Variants in ASMTL observed in about 807,000 individuals in gnomAD.
The protein encoded by ASMTL is acetylserotonin O-methyltransferase like.
In ASMTL, 57 loss-of-function variants were observed where a neutral mutation model predicts 60.3. That is an observed-to-expected ratio of 0.95 (90% CI 0.76 to 1.18). ASMTL has a LOEUF of 1.18. ASMTL is among the 50% of genes most tolerant of loss of function. The pLI, the probability that ASMTL is intolerant of heterozygous loss-of-function variation, is 0.00. For synonymous variants in ASMTL, 419 were observed against 373.0 expected (o/e 1.12, Z -1.42); for missense variants, 981 against 852.6 (o/e 1.15, Z -1.88).
intron 3 of ASMTL, among the ~76,000 whole-genome samples, chrX:1,436,669 T>C (rs1339730403): frequency 6.6e-6 from 1 of 151,956 alleles, no homozygotes; most frequent in Non-Finnish European, 1.5e-5. Flanking sequence ...TTCCTGTTCA[T>C]GGCTGCATAA....
At chrX:1,432,021 C>A (rs2090804211) in intron 6 of ASMTL, 1 of 573,772 alleles carries the variant, frequency 1.7e-6, no homozygotes, top group East Asian at 2.9e-5. Flanking sequence ...CCTCCCCAGT[C>A]CCCACCGCAG....
intron 11 of ASMTL, among the ~76,000 whole-genome samples, chrX:1,417,034 GAC>G (rs370554447): frequency 1.3e-5 from 2 of 151,416 alleles, no homozygotes; most frequent in Admixed American, 1.3e-4. Flanking sequence ...CAGAGACACA[GAC>G]ACAAGCACAG....
intron 12 of ASMTL, among the ~76,000 whole-genome samples, chrX:1,406,548 AGGTG>A (rs2089852265): frequency 6.8e-6 from 1 of 146,272 alleles, no homozygotes; most frequent in South Asian, 2.2e-4. Context: ...ATGGGTAGGT[AGGTG>A]GATGGATGGA....
chrX:1,414,120 G>C (rs2090147105), intron 11 of ASMTL: 1 of 150,848 alleles, frequency 6.6e-6, no homozygotes, highest in Non-Finnish European at 1.5e-5. Flanking sequence ...ACACACAGAG[G>C]AGAAGGCCAC....
chrX:1,404,276 AT>A (rs2089712112), intron 12 of ASMTL, among the ~76,000 whole-genome samples: 1 of 139,660 alleles, frequency 7.2e-6, no homozygotes, highest in Non-Finnish European at 1.5e-5. Context: ...CATGGATGAG[AT>A]GGATGGATGG....
intron 12 of ASMTL, among the ~76,000 whole-genome samples, chrX:1,410,710 T>C (rs1260921394): frequency 9.3e-5 from 14 of 150,420 alleles, no homozygotes; most frequent in Non-Finnish European, 1.3e-4. Flanking sequence ...CCGTGCCCGG[T>C]CTCAGAAAAA....
intron 6 of ASMTL, 178 bp downstream of exon 6, chrX:1,432,091 C>A (rs1378372930): frequency 3.2e-6 from 2 of 616,180 alleles, no homozygotes; most frequent in Non-Finnish European, 5.8e-6. Flanking sequence ...TTTGAGCCTC[C>A]ATGGGTCAGT....
At chrX:1,434,184 C>T (rs2090895195) in intron 5 of ASMTL, among the ~76,000 whole-genome samples, 1 of 152,134 alleles carries the variant, frequency 6.6e-6, no homozygotes, top group Admixed American at 6.6e-5. Context: ...CTGCCTGGGC[C>T]GGGCACCGTG....
chrX:1,444,357 C>T (rs745552370), intron 1 of ASMTL, among the ~76,000 whole-genome samples: 16 of 151,926 alleles, frequency 1.1e-4, no homozygotes, highest in East Asian at 3.9e-4. Context: ...TGCAGGTGGG[C>T]GCCACCACAC....
chrX:1,416,071 A>G (rs2090239145), intron 11 of ASMTL, among the ~76,000 whole-genome samples: 1 of 151,882 alleles, frequency 6.6e-6, no homozygotes, highest in Non-Finnish European at 1.5e-5. Flanking sequence ...ACAGACATGC[A>G]CAGATGGGCA....
At chrX:1,430,937 T>C (rs1341082374) in intron 6 of ASMTL, among the ~76,000 whole-genome samples, 4 of 142,774 alleles carry the variant, frequency 2.8e-5, no homozygotes, top group South Asian at 2.1e-4. Context: ...ATATTATATA[T>C]AACTAATATG....
rs747369959 is a variant in ASMTL at position 1,432,346 on chromosome X, G to C, written c.432C>G (p.Phe144Leu). 5.6e-6 allele frequency: 9 copies of C among 1,613,256 alleles called. No homozygotes were observed. The South Asian group carries it at 9.9e-5, about 18-fold the overall frequency. ...DHQLDTRVSE[F>L]YEETKVKFSE... ...AGAACTTCACCTTCGTTTCCTCGTAGAATTCCGAGACCCTGGTGTCCAGCT... is the reference window on the plus strand; with the variant it reads ...AGAACTTCACCTTCGTTTCCTCGTACAATTCCGAGACCCTGGTGTCCAGCT... Residue 144 changes from phenylalanine to leucine, a missense_variant, in exon 6 of 13, where the codon TTC (phenylalanine) becomes TTG (leucine). Transcript: ENST00000381317.
intron 6 of ASMTL, among the ~76,000 whole-genome samples, chrX:1,431,136 TTA>T (rs780006460): frequency 1.5e-3 from 186 of 125,434 alleles, no homozygotes; most frequent in African/African-American, 5.7e-3. Flanking sequence ...CATTTTATAA[TTA>T]TATATATAAT....
At chrX:1,453,373 C>A (rs1187268450), upstream of ASMTL, among the ~76,000 whole-genome samples, 3 of 151,536 alleles carry the variant, frequency 2.0e-5, no homozygotes, top group Non-Finnish European at 3.0e-5. Context: ...CCGCCCCGGC[C>A]GCTTGGTGAA....
chrX:1,422,465 G>A (rs1160337153), intron 8 of ASMTL, among the ~76,000 whole-genome samples: 6 of 152,112 alleles, frequency 3.9e-5, no homozygotes, highest in African/African-American at 1.4e-4. Context: ...TTATATCCTA[G>A]GGGTTCTGTT....
intron 7 of ASMTL, 84 bp from the exon 8 acceptor site, chrX:1,425,771 C>T (rs1415034034): frequency 3.9e-5 from 56 of 1,428,862 alleles, no homozygotes; most frequent in Middle Eastern, 2.3e-4. Flanking sequence ...TGGAGGCCAA[C>T]GCTGTCGGAA....
chrX:1,408,145 GA>G (rs1485906303), intron 12 of ASMTL, among the ~76,000 whole-genome samples: 2 of 113,812 alleles, frequency 1.8e-5, no homozygotes, highest in Non-Finnish European at 4.0e-5. Flanking sequence ...AGGCTGCAGT[GA>G]ACTATGATGG....
At chrX:1,448,716 C>G (rs763385944) in intron 1 of ASMTL, among the ~76,000 whole-genome samples, 1 of 152,044 alleles carries the variant, frequency 6.6e-6, no homozygotes, top group Admixed American at 6.5e-5. Flanking sequence ...GCACCACCAT[C>G]TTGGACACAC....
At chrX:1,413,019 G>A (rs1259114444) in intron 11 of ASMTL, 165 bp from the exon 12 acceptor site, 2 of 728,432 alleles carry the variant, frequency 2.7e-6, no homozygotes, top group Non-Finnish European at 4.7e-6. Flanking sequence ...GACTTGAACA[G>A]AGCTCCATGA....
Sources: allele counts gnomAD v4.1 joint callset (sites outside exome capture counted in the v4.1 genomes callset), GRCh38; gene constraint gnomAD v4.1.1; transcripts MANE v1.5; gene names NCBI Gene and HGNC (gene_info 2026-07-23, HGNC 2026-07-21).